AMZ1: variants seen among roughly 807,000 people sequenced by gnomAD.
AMZ1 encodes archaelysin family metallopeptidase 1.
A neutral mutation model predicts 29.9 loss-of-function variants in AMZ1; 39 were observed. The ratio of observed to expected loss-of-function variants is 1.30; its 90% CI spans 1.01 to 1.70. The LOEUF is 1.70. Among genes scored for constraint, AMZ1 ranks in the 40% most tolerant of loss-of-function variants. The pLI, the probability that AMZ1 is intolerant of heterozygous loss-of-function variation, is 0.00. For synonymous variants in AMZ1, 458 were observed against 304.0 expected, an observed-to-expected ratio of 1.51 and a Z score of -5.27; for missense variants, 1,041 against 680.6, an observed-to-expected ratio of 1.53 and a Z score of -5.89.
upstream of AMZ1, among the ~76,000 whole-genome samples, chr7:2,686,214 G>A (rs549870206): frequency 7.9e-5 from 12 of 152,284 alleles, no homozygotes; most frequent in Non-Finnish European, 1.8e-4. Context: ...CCTGCAGAAC[G>A]CAGTATGTGA....
chr7:2,693,220 C>G (rs1583146307), intron 1 of AMZ1, among the ~76,000 whole-genome samples: 6 of 152,030 alleles, frequency 3.9e-5, no homozygotes, highest in African/African-American at 9.6e-5. Context: ...TTCTGAGTAG[C>G]TGGGATTACA....
At chr7:2,690,470 G>A (rs2115047988) in intron 1 of AMZ1, among the ~76,000 whole-genome samples, 1 of 152,240 alleles carries the variant, frequency 6.6e-6, no homozygotes, top group African/African-American at 2.4e-5. Flanking sequence ...ATTGTCCCGG[G>A]AGGTGGCTAT....
At chr7:2,750,389 A>AATACTGGAG (rs1790974852) in intron 4 of AMZ1, among the ~76,000 whole-genome samples, 1 of 152,214 alleles carries the variant, frequency 6.6e-6, no homozygotes, top group Non-Finnish European at 1.5e-5. Flanking sequence ...TTTAAGAAAA[A>AATACTGGAG]ATACTGGAGT....
At chr7:2,749,925 C>A (rs993575137) in intron 4 of AMZ1, among the ~76,000 whole-genome samples, 4 of 152,012 alleles carry the variant, frequency 2.6e-5, no homozygotes, top group Non-Finnish European at 4.4e-5. Flanking sequence ...TCCTAAAGGC[C>A]TAATACACAA....
intron 6 of AMZ1, 33 bp downstream of exon 6, chr7:2,709,849 G>C (rs775053095): frequency 6.2e-7 from 1 of 1,606,002 alleles, no homozygotes; most frequent in Non-Finnish European, 8.5e-7. Flanking sequence ...CCGGCTGCTG[G>C]GACCTGCGCT....
chr7:2,762,471 C>A, upstream of AMZ1: 2 of 644,198 alleles, frequency 3.1e-6, no homozygotes, highest in South Asian at 2.8e-5. Flanking sequence ...GCCTCTGAAC[C>A]CACCCGTGTG....
At chr7:2,753,589 T>C (rs144337942) in intron 4 of AMZ1, among the ~76,000 whole-genome samples, 33 of 152,296 alleles carry the variant, frequency 2.2e-4, no homozygotes, top group Middle Eastern at 3.4e-3. Flanking sequence ...CATTTACCAA[T>C]CTAGAGACAT....
intron 4 of AMZ1, among the ~76,000 whole-genome samples, chr7:2,738,424 C>T (rs542158672): frequency 1.3e-5 from 2 of 152,144 alleles, no homozygotes; most frequent in Non-Finnish European, 2.9e-5. Context: ...GGCTACGCAC[C>T]GGCGAAGGAG....
chr7:2,735,948 A>T (rs1363714429), intron 4 of AMZ1, among the ~76,000 whole-genome samples: 1 of 152,162 alleles, frequency 6.6e-6, no homozygotes, highest in African/African-American at 2.4e-5. Flanking sequence ...GCTGTCACTC[A>T]CATCCGCACT....
At chr7:2,721,078 G>A (rs1284763511), downstream of AMZ1, among the ~76,000 whole-genome samples, 1 of 152,212 alleles carries the variant, frequency 6.6e-6, no homozygotes, top group African/African-American at 2.4e-5. Context: ...TCTGGTGGTG[G>A]CGACCAGCAG....
chr7:2,700,783 G>T, intron 2 of AMZ1, 28 bp downstream of exon 2: 2 of 1,603,594 alleles, frequency 1.2e-6, no homozygotes. Context: ...CCATCGGCAC[G>T]CTCCTGGGGG....
intron 4 of AMZ1, among the ~76,000 whole-genome samples, chr7:2,738,370 T>C (rs1326995260): frequency 6.6e-6 from 1 of 151,670 alleles, no homozygotes; most frequent in South Asian, 2.1e-4. Context: ...AAACGTCTAG[T>C]AGGAGAAGCT....
intron 4 of AMZ1, among the ~76,000 whole-genome samples, chr7:2,727,454 T>C (rs1789670219): frequency 6.6e-6 from 1 of 152,130 alleles, no homozygotes; most frequent in Admixed American, 6.5e-5. Flanking sequence ...CAGCTCGCTG[T>C]AGCCTCAAGC....
chr7:2,721,173 G>A (rs1477616917), downstream of AMZ1, among the ~76,000 whole-genome samples: 2 of 152,302 alleles, frequency 1.3e-5, no homozygotes, highest in South Asian at 2.1e-4. Context: ...AACCCAGGAC[G>A]CCTGTGCCTG....
At chr7:2,737,461 G>A (rs1210746910) in intron 4 of AMZ1, among the ~76,000 whole-genome samples, 2 of 151,782 alleles carry the variant, frequency 1.3e-5, no homozygotes, top group African/African-American at 4.8e-5. Flanking sequence ...GCTAACTTTT[G>A]TATTTTTAGT....
intron 4 of AMZ1, among the ~76,000 whole-genome samples, chr7:2,725,346 T>G (rs1460806782): frequency 2.0e-5 from 3 of 152,182 alleles, no homozygotes; most frequent in Non-Finnish European, 4.4e-5. Flanking sequence ...CGGACACAGC[T>G]GCGCGAGGGG....
Position 2,731,467 on chromosome 7 carries a change from A to G in AMZ1, n.550+21651A>G. ...GAGGAAGAGAATGATGGAGACGTTGAAGAAGAGCTTGTTGTTGACGATGGT... is the reference window on the plus strand; with the variant it reads ...GAGGAAGAGAATGATGGAGACGTTGGAGAAGAGCTTGTTGTTGACGATGGT... On this transcript the variant is annotated intron_variant and non_coding_transcript_variant, in intron 4 of 4. Coordinates refer to the AMZ1 transcript ENST00000489665. This position sits in a 1 kb window ranked among gnomAD's most constrained non-coding sequence, Gnocchi z 6.0. 6.2e-7 allele frequency: 1 copy of G among 1,613,878 alleles called. No homozygotes were observed. The highest frequency in any genetic ancestry group is 8.5e-7 in the Non-Finnish European group (1 of 1,179,890).
chr7:2,743,514 C>T (rs1790609712), intron 4 of AMZ1, among the ~76,000 whole-genome samples: 1 of 152,156 alleles, frequency 6.6e-6, no homozygotes, highest in South Asian at 2.1e-4. Flanking sequence ...TAAAAATGCT[C>T]ATGTTGAATA....
In AMZ1 at chr7:2,731,298, G is replaced by A. The variant is rs111404280; in HGVS notation, n.550+21482G>A. On this transcript the variant is annotated intron_variant and non_coding_transcript_variant, in intron 4 of 4. Transcript: ENST00000489665. This position sits in a 1 kb window ranked among gnomAD's most constrained non-coding sequence, Gnocchi z 6.0. ...TGGTGAAGTGGTGGAAGAGTGGCTTGCTGCGGTTCCGTCTCTTCCTGTCGA... is the reference window on the plus strand; with the variant it reads ...TGGTGAAGTGGTGGAAGAGTGGCTTACTGCGGTTCCGTCTCTTCCTGTCGA... 6.2e-7 allele frequency: 1 copy of A among 1,613,728 alleles called. No homozygotes were observed. The highest frequency in any genetic ancestry group is 8.5e-7 in the Non-Finnish European group (1 of 1,179,882).
Sources: gnomAD v4.1 joint callset for allele counts (sites outside exome capture counted in the v4.1 genomes callset) on GRCh38, gnomAD v4.1.1 for gene constraint, Gnocchi (gnomAD v3.1) non-coding constraint, MANE v1.5 for transcripts, NCBI Gene and HGNC (gene_info 2026-07-23, HGNC 2026-07-21) for gene names.